The following STARD13 variants were observed in gnomAD, a reference collection of about 807,000 sequenced individuals.
The protein encoded by STARD13 is stAR-related lipid transfer protein 13.
In STARD13, 62 loss-of-function variants were observed where a neutral mutation model predicts 106.4. The ratio of observed to expected loss-of-function variants is 0.58; its 90% confidence interval spans 0.48 to 0.72. The LOEUF is 0.72. Ranked by LOEUF, STARD13 falls within the 30% of genes least tolerant of loss-of-function variation. STARD13 has a pLI of 0.00. For synonymous variants in STARD13, 565 were observed against 553.0 expected, an observed-to-expected ratio of 1.02 and a Z score of -0.31; for missense variants, 1,387 against 1,424.0, an observed-to-expected ratio of 0.97 and a Z score of 0.42.
the STARD13 span, chr13:33,355,648 G>A: frequency 2.0e-5 from 3 of 152,092 alleles, no homozygotes; most frequent in Non-Finnish European, 4.4e-5. Flanking sequence ...TGTATCCTTC[G>A]CTCCATTTCA....
chr13:33,494,554 A>G, the STARD13 span, among the ~76,000 whole-genome samples: 2 of 152,080 alleles, frequency 1.3e-5, no homozygotes, highest in Non-Finnish European at 2.9e-5. Flanking sequence ...ACCTTTCTGC[A>G]TGGGCTTTCC....
intron 1 of STARD13, among the ~76,000 whole-genome samples, chr13:33,250,430 C>A (rs1401715032): frequency 6.6e-6 from 1 of 152,220 alleles, no homozygotes; most frequent in Non-Finnish European, 1.5e-5. Context: ...TATTCACTGT[C>A]TTGTAACCAA....
At position 33,285,565 on chromosome 13, in the gene STARD13, T is replaced by C. The variant is rs1317250594; in HGVS notation, c.74A>G (p.Glu25Gly). The C allele has an allele frequency of 2.5e-6, 4 of 1,613,828 alleles. No individual in the cohort carries two copies. The highest frequency in any genetic ancestry group is 1.3e-5 in the African/African-American group (1 of 74,888). ...AGTCTGATCAAATCGCAAGTACATC[T>C]CCTGGCCCTCAGGTGTCATGGAATT... ...YLNSMTPEGQEMYLRFDQTTR... is the reference protein window; with the variant it reads ...YLNSMTPEGQGMYLRFDQTTR... The change falls in exon 1 of 14, where the codon GAG becomes GGG. Residue 25 changes from glutamate to glycine, a missense_variant. Transcript: ENST00000336934.
At chr13:33,175,988 A>T (rs1290270400) in intron 1 of STARD13, among the ~76,000 whole-genome samples, 1 of 152,170 alleles carries the variant, frequency 6.6e-6, no homozygotes, top group Non-Finnish European at 1.5e-5. Context: ...TGAAAGAAGG[A>T]GCACAGATTC....
the STARD13 span, among the ~76,000 whole-genome samples, chr13:33,531,087 T>C: frequency 1.8e-4 from 27 of 152,248 alleles, no homozygotes; most frequent in Middle Eastern, 3.4e-3. Flanking sequence ...ATTCCTGTAA[T>C]AGTGAATAAG....
the STARD13 span, among the ~76,000 whole-genome samples, chr13:33,433,162 A>G: frequency 6.6e-6 from 1 of 152,234 alleles, no homozygotes; most frequent in Non-Finnish European, 1.5e-5. Flanking sequence ...TATTGATTAT[A>G]CTAAAGGATT....
chr13:33,200,120 GC>G (rs571286067), intron 1 of STARD13, among the ~76,000 whole-genome samples: 68 of 152,330 alleles, frequency 4.5e-4, no homozygotes, highest in African/African-American at 1.5e-3. Context: ...CTTTGGGGAG[GC>G]CCCACAGAGG....
At chr13:33,426,076 C>A in the STARD13 span, among the ~76,000 whole-genome samples, 1 of 152,132 alleles carries the variant, frequency 6.6e-6, no homozygotes, top group East Asian at 1.9e-4. Context: ...TTCTCTAGAG[C>A]TTCTTGTAGT....
the STARD13 span, among the ~76,000 whole-genome samples, chr13:33,541,223 A>C: frequency 6.6e-6 from 1 of 152,224 alleles, no homozygotes; most frequent in African/African-American, 2.4e-5. Flanking sequence ...TGAAGTATGC[A>C]ATGATGAAAT....
At chr13:33,524,993 A>G in the STARD13 span, among the ~76,000 whole-genome samples, 3 of 152,040 alleles carry the variant, frequency 2.0e-5, no homozygotes, top group African/African-American at 4.8e-5. Flanking sequence ...TTTGATCACC[A>G]AAAGTGTTTT....
intron 1 of STARD13, among the ~76,000 whole-genome samples, chr13:33,313,625 C>T (rs1037904934): frequency 6.6e-6 from 1 of 152,170 alleles, no homozygotes; most frequent in Admixed American, 6.6e-5. Flanking sequence ...GAACCCCAAG[C>T]TGATGTTTTT....
At chr13:33,123,253 G>A (rs911264013) in intron 7 of STARD13, among the ~76,000 whole-genome samples, 49 of 152,114 alleles carry the variant, frequency 3.2e-4, no homozygotes, top group African/African-American at 1.1e-3. Context: ...ATTAGGAGGA[G>A]AGGCTGAGCA....
At chr13:33,186,075 T>C in intron 1 of STARD13, 1 of 1,602,520 alleles carries the variant, frequency 6.2e-7, no homozygotes. Flanking sequence ...TCTCTCATGT[T>C]TCCGGTTGCT....
rs908448742 is a variant in STARD13 at position 33,327,630 on chromosome 13, G to T, written c.124+22660C>A. On this transcript the variant is annotated intron_variant, in intron 1 of 5. Coordinates refer to the STARD13 transcript ENST00000567873. ...AAGGGATCCTCTGGGTTCAGCCTCC[G>T]ATAGCACTGGGATTACAGGCATGAG... 3.3e-5 allele frequency among the ~76,000 whole-genome samples: 5 copies of T among 152,156 alleles called. No individual in the cohort carries two copies. The South Asian group carries it at 8.3e-4, about 25-fold the overall frequency.
At chr13:33,547,494 G>GC in the STARD13 span, among the ~76,000 whole-genome samples, 1 of 152,158 alleles carries the variant, frequency 6.6e-6, no homozygotes. Context: ...AAAACATAGG[G>GC]CCCTGAGAAG....
At chr13:33,437,246 C>T in the STARD13 span, among the ~76,000 whole-genome samples, 4 of 152,116 alleles carry the variant, frequency 2.6e-5, no homozygotes, top group African/African-American at 7.2e-5. Context: ...AATCTAGTTA[C>T]CGGTGCATGC....
rs1392789849 is a variant in STARD13, at chr13:33,298,385, C to T, written c.124+51905G>A. On this transcript the variant is annotated intron_variant, in intron 1 of 5. Coordinates refer to the STARD13 transcript ENST00000567873. ...CTCCTGACCTCAAATGATCCACCCA[C>T]CTCGGCCTCCCAAAGTGCTGGGATT... Among the ~76,000 whole-genome samples, 11 of 151,642 alleles carry T rather than the reference C, an allele frequency of 7.3e-5. No individual in the cohort carries two copies. In the East Asian group the frequency reaches 1.8e-3, roughly 24 times the overall value.
intron 1 of STARD13, among the ~76,000 whole-genome samples, chr13:33,282,530 T>A (rs968159083): frequency 6.6e-6 from 1 of 152,220 alleles, no homozygotes; most frequent in Non-Finnish European, 1.5e-5. Flanking sequence ...AACTTACTTG[T>A]TTCCACTGTT....
the STARD13 span, among the ~76,000 whole-genome samples, chr13:33,366,905 A>G: frequency 6.6e-6 from 1 of 152,226 alleles, no homozygotes; most frequent in African/African-American, 2.4e-5. The surrounding 1 kb of genome is among the most constrained non-coding windows in gnomAD (Gnocchi z 4.2). Flanking sequence ...TGGGGGTTCA[A>G]AGATGAACTC....
Sources: gnomAD v4.1 joint callset for allele counts (sites outside exome capture counted in the v4.1 genomes callset) on GRCh38, gnomAD v4.1.1 for gene constraint, Gnocchi (gnomAD v3.1) non-coding constraint, MANE v1.5 for transcripts, NCBI Gene and HGNC (gene_info 2026-07-23, HGNC 2026-07-21) for gene names.